The following IFNGR1 variants were observed in gnomAD, a reference collection of about 807,000 sequenced individuals.
The protein encoded by IFNGR1 is AVP, type 2.
IFNGR1 carries 23 observed loss-of-function variants against 35.4 expected under a neutral mutation model. That is an observed-to-expected ratio of 0.65 (90% CI 0.47 to 0.92). The LOEUF (loss-of-function observed/expected upper bound fraction) is 0.92, where lower values mean the gene tolerates loss of function less well. Ranked by LOEUF, IFNGR1 falls within the 40% of genes least tolerant of loss-of-function variation. The pLI is 0.00. For missense variants in IFNGR1, 533 were observed against 583.4 expected, an observed-to-expected ratio of 0.91 and a Z score of 0.89; for synonymous variants, 199 against 209.5, an observed-to-expected ratio of 0.95 and a Z score of 0.43.
intron 1 of IFNGR1, chr6:137,218,458 T>A: frequency 7.8e-7 from 1 of 1,285,638 alleles, no homozygotes; most frequent in South Asian, 1.2e-5. Flanking sequence ...TACTGCCAAA[T>A]CTGCTAGTGA....
Position 137,206,864 on chromosome 6 carries a change from T to C in IFNGR1, c.200+99A>G, listed in dbSNP as rs1779442470. 4 of 907,530 alleles carry C rather than the reference T, an allele frequency of 4.4e-6. No homozygotes were observed. The African/African-American group carries it at 5.0e-5, about 11-fold the overall frequency. The allele number at this position is 907,530 out of a possible 1,614,324, so 56.2% of individuals were successfully genotyped here. A position where few individuals can be genotyped will look rare whatever the true frequency, so the allele number is the denominator to read the frequency against. ...ACCTCTATAAGCAGTTTAGAATGTTTTGCCACGTGGGAAGGCTGATGAAAG... is the reference window on the plus strand; with the variant it reads ...ACCTCTATAAGCAGTTTAGAATGTTCTGCCACGTGGGAAGGCTGATGAAAG... On this transcript the variant is annotated intron_variant, in intron 2 of 6. Transcript: ENST00000367739.
At chr6:137,218,180 G>A (rs1779752537) in intron 1 of IFNGR1, among the ~76,000 whole-genome samples, 1 of 152,062 alleles carries the variant, frequency 6.6e-6, no homozygotes, top group Non-Finnish European at 1.5e-5. Context: ...TCAATTTCTC[G>A]TCCATAAAGA....
intron 6 of IFNGR1, 152 bp from the exon 7 acceptor site, chr6:137,198,791 C>A (rs1779165579): frequency 1.5e-6 from 1 of 646,770 alleles, no homozygotes; most frequent in Non-Finnish European, 2.7e-6. Flanking sequence ...AATGAAAGGT[C>A]CCATAGTAAT....
Position 137,206,307 on chromosome 6 carries a change from C to T in IFNGR1, c.202G>A (p.Val68Ile), listed in dbSNP as rs1159939937. 1 of 1,589,538 alleles carries T rather than the reference C, an allele frequency of 6.3e-7. No homozygotes were observed. The highest frequency in any genetic ancestry group is 1.3e-5 in the African/African-American group (1 of 74,314). ...VFTVEVKNYG[V>I]KNSEWIDACI... ...GCATCAATCCATTCTGAATTCTTAA[C>T]ACTAAAAAGAATAAAAAAATGCGAA... The change falls in exon 3 of 7, where the codon GTT becomes ATT. Residue 68 changes from valine to isoleucine, a missense_variant and splice_region_variant. By Grantham distance (29) the Val-to-Ile change is conservative (BLOSUM62 3). Coordinates refer to ENST00000367739, the MANE Select transcript of IFNGR1 (RefSeq NM_000416.3).
chr6:137,198,006 C>CA lies in IFNGR1; in HGVS notation c.*24dup. 6.2e-7 allele frequency: 1 copy of CA among 1,613,650 alleles called. No homozygotes were observed. The highest frequency in any genetic ancestry group is 1.1e-5 in the South Asian group (1 of 90,794). On this transcript the variant is annotated 3_prime_UTR_variant, in exon 7 of 7. Transcript: ENST00000367739. The stretch of plus-strand genomic sequence containing the variant: ...AAAACTGTCCAGGAAAATCAGACTT[C>CA]AAAGTTGGTGCAACTTAGCTGATCT...
At chr6:137,205,052 T>C (rs1779398197) in intron 3 of IFNGR1, among the ~76,000 whole-genome samples, 1 of 152,246 alleles carries the variant, frequency 6.6e-6, no homozygotes, top group African/African-American at 2.4e-5. Flanking sequence ...CAGGCAGGTC[T>C]GTTTTTAACC....
chr6:137,207,258 T>C (rs1241640812), intron 1 of IFNGR1, among the ~76,000 whole-genome samples, 181 bp from the exon 2 acceptor site: 2 of 152,162 alleles, frequency 1.3e-5, no homozygotes, highest in Non-Finnish European at 2.9e-5. Flanking sequence ...TATTGAAAAA[T>C]CTATAGAAGA....
chr6:137,210,707 A>G (rs1178788505), intron 1 of IFNGR1, among the ~76,000 whole-genome samples: 1 of 152,170 alleles, frequency 6.6e-6, no homozygotes, highest in East Asian at 1.9e-4. Context: ...CCTAGGTCAA[A>G]CATTAATAAA....
intron 1 of IFNGR1, 104 bp downstream of exon 1, chr6:137,219,139 G>T: frequency 6.8e-7 from 1 of 1,463,070 alleles, no homozygotes; most frequent in Non-Finnish European, 9.3e-7. Flanking sequence ...GGGGTCCCGG[G>T]CTAGGGCGAC....
chr6:137,203,201 T>C (rs1015462112), intron 5 of IFNGR1, among the ~76,000 whole-genome samples: 2 of 152,218 alleles, frequency 1.3e-5, no homozygotes, highest in Non-Finnish European at 2.9e-5. Flanking sequence ...ACAAACTGAC[T>C]TATAATTCAT....
Position 137,204,383 on chromosome 6 carries a change from A to G in IFNGR1, c.495T>C (p.Thr165=), listed in dbSNP as rs1278116510. ...CATTGTACACCCTAATGTAACAGGTAGTTTCGGGATCATAATCGACTTCCT... is the reference window on the plus strand; with the variant it reads ...CATTGTACACCCTAATGTAACAGGTGGTTTCGGGATCATAATCGACTTCCT... The part of the protein sequence containing the change: ...DEQEVDYDPE[T]TCYIRVYNVY... Residue 165 remains threonine, a synonymous_variant, in exon 4 of 7, where the codon ACT becomes ACC. Transcript: ENST00000367739. The G allele has an allele frequency of 6.2e-7, 1 of 1,613,942 alleles. No individual in the cohort carries two copies. Among genetic ancestry groups the G allele is most frequent in the South Asian group, 1.1e-5 (1 of 91,080 alleles).
Position 137,206,244 on chromosome 6 carries a change from C to T in IFNGR1, c.265G>A (p.Asp89Asn), listed in dbSNP as rs1562286674. 1 of 1,611,498 alleles carries T rather than the reference C, an allele frequency of 6.2e-7. No individual in the cohort carries two copies. ...NISHHYCNIS[D>N]HVGDPSNSLW... ...GAATTTGATGGATCACCAACATGAT[C>T]AGAAATATTACAATAATGATGAGAA... Residue 89 changes from aspartate to asparagine, a missense_variant, in exon 3 of 7, where the codon GAT becomes AAT. Physicochemically the swap from Asp to Asn is conservative, Grantham distance 23. Coordinates refer to ENST00000367739, the MANE Select transcript of IFNGR1 (RefSeq NM_000416.3).
At chr6:137,210,530 AAATG>A (rs1779549566) in intron 1 of IFNGR1, among the ~76,000 whole-genome samples, 1 of 152,240 alleles carries the variant, frequency 6.6e-6, no homozygotes, top group Non-Finnish European at 1.5e-5. Context: ...TAAAACAAAT[AAATG>A]AATGTCCATG....
At chr6:137,203,866 G>A (rs1432453184) in intron 4 of IFNGR1, 181 bp from the exon 5 acceptor site, 2 of 624,204 alleles carry the variant, frequency 3.2e-6, no homozygotes, top group African/African-American at 1.8e-5. Flanking sequence ...ACGATACTAT[G>A]CATCTGTTAT....
chr6:137,204,236 ATATT>A (rs1461119808), intron 4 of IFNGR1, 92 bp downstream of exon 4: 1 of 1,035,486 alleles, frequency 9.7e-7, no homozygotes, highest in Non-Finnish European at 1.5e-6. Context: ...TCTTGCTTGA[ATATT>A]TATAAGCATC....
At chr6:137,215,214 A>C in intron 1 of IFNGR1, 5 of 1,530,392 alleles carry the variant, frequency 3.3e-6, no homozygotes, top group Non-Finnish European at 4.4e-6. Flanking sequence ...TTTCATTAAG[A>C]AAAATGCTTC....
At chr6:137,211,198 A>T (rs2114502900) in intron 1 of IFNGR1, among the ~76,000 whole-genome samples, 1 of 152,286 alleles carries the variant, frequency 6.6e-6, no homozygotes, top group East Asian at 1.9e-4. Flanking sequence ...GACAGCCTCC[A>T]CAACAAAAAA....
chr6:137,208,968 A>G (rs1421963711), intron 1 of IFNGR1, among the ~76,000 whole-genome samples: 1 of 152,240 alleles, frequency 6.6e-6, no homozygotes, highest in African/African-American at 2.4e-5. Flanking sequence ...ACAGGGGCAG[A>G]GCTGCTCAAG....
chr6:137,217,799 A>C (rs548930754), intron 1 of IFNGR1, among the ~76,000 whole-genome samples: 1 of 152,278 alleles, frequency 6.6e-6, no homozygotes, highest in Admixed American at 6.5e-5. Flanking sequence ...TTTGGTTCCT[A>C]CTTCTCCACC....
Sources: gnomAD v4.1 joint callset for allele counts (sites outside exome capture counted in the v4.1 genomes callset) on GRCh38, gnomAD v4.1.1 for gene constraint, MANE v1.5 for transcripts, NCBI Gene and HGNC (gene_info 2026-07-23, HGNC 2026-07-21) for gene names.